The following SPIDR variants were observed in gnomAD, a reference collection of about 807,000 sequenced individuals.
The protein encoded by SPIDR is DNA repair-scaffolding protein.
SPIDR carries 93 observed loss-of-function variants against 104.6 expected under a neutral mutation model. The observed-to-expected ratio is 0.89, with a 90% confidence interval of 0.75 to 1.06. The LOEUF is 1.06. SPIDR is among the 50% of genes least tolerant of loss of function. The probability of loss-of-function intolerance (pLI) is 0.00; values close to 1 mark genes in which losing one functional copy is unlikely to be tolerated. For missense variants in SPIDR, 1,154 were observed against 1,111.2 expected (o/e 1.04, Z -0.55); for synonymous variants, 431 against 416.9 (o/e 1.03, Z -0.41).
rs1003784486 is a variant in SPIDR at position 47,385,622 on chromosome 8, C to T, written c.526-10754C>T. Among the ~76,000 whole-genome samples the T allele has an allele frequency of 2.0e-5, 3 of 152,184 alleles. No individual in the cohort carries two copies. In the East Asian group the frequency reaches 5.8e-4, roughly 29 times the overall value. On this transcript the variant is annotated intron_variant, in intron 5 of 19. Transcript: ENST00000297423. ...CAAGTGCTTCTGCCGGCCTGTGGTT[C>T]CCAGGGAGACTGATCATCTTGTATT...
At chr8:47,729,711 T>A in intron 19 of SPIDR, 6 of 516,368 alleles carry the variant, frequency 1.2e-5, no homozygotes. Context: ...GTCCCCTGGC[T>A]TTTTTGTTTG....
At chr8:47,463,748 G>T (rs575709368) in intron 8 of SPIDR, among the ~76,000 whole-genome samples, 1 of 152,190 alleles carries the variant, frequency 6.6e-6, no homozygotes, top group South Asian at 2.1e-4. Context: ...CATTAATGGA[G>T]TGAAGGAGAA....
chr8:47,311,726 A>G (rs1554585299), intron 5 of SPIDR, among the ~76,000 whole-genome samples: 1 of 150,652 alleles, frequency 6.6e-6, no homozygotes, highest in Non-Finnish European at 1.5e-5. Context: ...TTTTTTTTAT[A>G]TTATTATTAT....
chr8:47,478,433 G>C (rs1485993803), intron 8 of SPIDR, among the ~76,000 whole-genome samples: 2 of 152,190 alleles, frequency 1.3e-5, no homozygotes, highest in African/African-American at 4.8e-5. Flanking sequence ...AGAGACAGAA[G>C]AAGCAGGAAG....
chr8:47,433,095 T>C (rs1356566006), intron 7 of SPIDR, among the ~76,000 whole-genome samples: 2 of 152,240 alleles, frequency 1.3e-5, no homozygotes, highest in East Asian at 1.9e-4. Context: ...TCTGTTCTTA[T>C]TCTTGCTCAG....
chr8:47,275,650 T>G (rs1415396749), intron 1 of SPIDR, among the ~76,000 whole-genome samples: 1 of 152,206 alleles, frequency 6.6e-6, no homozygotes, highest in Non-Finnish European at 1.5e-5. Flanking sequence ...TATTTTACAG[T>G]TATAACTGGA....
chr8:47,711,421 T>C (rs1379179260), intron 14 of SPIDR, among the ~76,000 whole-genome samples: 2 of 152,084 alleles, frequency 1.3e-5, no homozygotes, highest in African/African-American at 2.4e-5. Context: ...ACAGGCATGA[T>C]CTTGGTGCAC....
chr8:47,357,492 T>C (rs2054789546), intron 5 of SPIDR, among the ~76,000 whole-genome samples: 1 of 152,200 alleles, frequency 6.6e-6, no homozygotes, highest in Non-Finnish European at 1.5e-5. Flanking sequence ...GTGGAGGGGC[T>C]TAGATGGCCA....
intron 5 of SPIDR, among the ~76,000 whole-genome samples, chr8:47,394,686 ACATCT>A (rs1459676090): frequency 2.6e-5 from 4 of 152,296 alleles, no homozygotes; most frequent in Admixed American, 6.5e-5. Flanking sequence ...GGTACTTAAG[ACATCT>A]CATAACAGAA....
chr8:47,403,874 A>G (rs1358571587), intron 6 of SPIDR, among the ~76,000 whole-genome samples: 1 of 152,232 alleles, frequency 6.6e-6, no homozygotes, highest in African/African-American at 2.4e-5. Flanking sequence ...TATGGAACCA[A>G]AAAGAGCCGC....
At chr8:47,619,610 A>G (rs888308460) in intron 10 of SPIDR, among the ~76,000 whole-genome samples, 1 of 140,606 alleles carries the variant, frequency 7.1e-6, no homozygotes, top group Non-Finnish European at 1.6e-5. Flanking sequence ...GCATATATGT[A>G]TATTACCCTT....
intron 8 of SPIDR, among the ~76,000 whole-genome samples, chr8:47,567,618 G>T (rs1246692887): frequency 6.6e-6 from 1 of 152,066 alleles, no homozygotes; most frequent in East Asian, 1.9e-4. Context: ...GACTCCAAAA[G>T]CTCAGTTACT....
intron 8 of SPIDR, among the ~76,000 whole-genome samples, chr8:47,476,392 A>T (rs1256805400): frequency 1.3e-5 from 2 of 152,146 alleles, no homozygotes; most frequent in African/African-American, 4.8e-5. Flanking sequence ...CATTAGGGTG[A>T]TGAGGAGATA....
chr8:47,546,664 T>C (rs914986927), intron 8 of SPIDR: 1 of 152,972 alleles, frequency 6.5e-6, no homozygotes, highest in African/African-American at 2.4e-5. Flanking sequence ...CTTGTTTTCC[T>C]AAGTTCCTGG....
chr8:47,451,392 C>T (rs1000135552), intron 8 of SPIDR, among the ~76,000 whole-genome samples: 5 of 151,852 alleles, frequency 3.3e-5, no homozygotes, highest in African/African-American at 9.7e-5. Context: ...GACCAGCCTG[C>T]GCACCATGAA....
In SPIDR at chr8:47,491,307, A is replaced by G. The variant is rs142646573; in HGVS notation, c.1097+50765A>G. Among the ~76,000 whole-genome samples the G allele has an allele frequency of 1.1e-4, 16 of 152,290 alleles. No homozygotes were observed. The East Asian group carries it at 3.1e-3, about 29-fold the overall frequency. On this transcript the variant is annotated intron_variant, in intron 8 of 19. Transcript: ENST00000297423. ...TAAATATTTTTATGTTTCTGTCAGT[A>G]TATGGAATTTTTCTTAAAGGCGGTC...
At chr8:47,483,550 T>C (rs2077159444) in intron 8 of SPIDR, among the ~76,000 whole-genome samples, 1 of 152,018 alleles carries the variant, frequency 6.6e-6, no homozygotes, top group African/African-American at 2.4e-5. Flanking sequence ...TTAGGATAGG[T>C]AGTTGCACAG....
chr8:47,531,989 A>G (rs755607514), intron 8 of SPIDR, among the ~76,000 whole-genome samples: 16 of 152,294 alleles, frequency 1.1e-4, no homozygotes, highest in South Asian at 2.1e-4. Context: ...AGTAGATATC[A>G]GTCCTGCTGT....
chr8:47,340,817 G>A, intron 5 of SPIDR, among the ~76,000 whole-genome samples: 1 of 152,152 alleles, frequency 6.6e-6, no homozygotes, highest in Non-Finnish European at 1.5e-5. Flanking sequence ...AAAGCTCAGT[G>A]GCTCTTCCTG....
Sources: allele counts gnomAD v4.1 joint callset (sites outside exome capture counted in the v4.1 genomes callset), GRCh38; gene constraint gnomAD v4.1.1; transcripts MANE v1.5; gene names NCBI Gene and HGNC (gene_info 2026-07-23, HGNC 2026-07-21).